Variants in IKBKE observed in about 807,000 individuals in gnomAD.
IKBKE encodes the protein inhibitor of nuclear factor kappa B kinase subunit epsilon.
In IKBKE, 45 loss-of-function variants were observed where a neutral mutation model predicts 92.1. The ratio of observed to expected loss-of-function variants is 0.49; its 90% CI spans 0.38 to 0.63. The LOEUF is 0.63. IKBKE is among the 20% of genes least tolerant of loss of function. The pLI is 0.00. For missense variants in IKBKE, 700 were observed against 932.8 expected, an observed-to-expected ratio of 0.75 and a Z score of 3.25; for synonymous variants, 374 against 380.3, an observed-to-expected ratio of 0.98 and a Z score of 0.19.
rs1665078023 is a variant in IKBKE, at chr1:206,476,638, C to A, written c.541-40C>A. 6.2e-7 allele frequency: 1 copy of A among 1,612,036 alleles called. No individual in the cohort carries two copies. Among genetic ancestry groups the A allele is most frequent in the Admixed American group, 1.7e-5 (1 of 59,882 alleles). On this transcript the variant is annotated intron_variant, in intron 6 of 21. Transcript: ENST00000581977. This position sits in a 1 kb window ranked among gnomAD's most constrained non-coding sequence, Gnocchi z 5.1. Reference sequence around the variant, plus strand: ...CTGACAGGTCTCAGGCCCTTGCCAGCCCTCCGGCTCCATGGCCTCATTCTG... The same window carrying A: ...CTGACAGGTCTCAGGCCCTTGCCAGACCTCCGGCTCCATGGCCTCATTCTG...
intron 16 of IKBKE, among the ~76,000 whole-genome samples, chr1:206,489,351 G>GTATA: frequency 4.1e-5 from 1 of 24,678 alleles, no homozygotes; most frequent in Non-Finnish European, 1.3e-4. Context: ...GTATATGTGT[G>GTATA]TGTGTGTGTG....
Position 206,490,980 on chromosome 1 carries a change from G to C in IKBKE, c.1733+122G>C. ...CTGTCCCGGACTGCAGCTGAGCAGA[G>C]TTGGGGATAACAGGTTATCTGGGGC... On this transcript the variant is annotated intron_variant, in intron 17 of 21. Coordinates refer to ENST00000581977, the MANE Select transcript of IKBKE (RefSeq NM_014002.4). The surrounding 1 kb of genome is among the most constrained non-coding windows in gnomAD (Gnocchi z 5.2). 1.1e-6 allele frequency: 1 copy of C among 921,174 alleles called. No homozygotes were observed. Among genetic ancestry groups the C allele is most frequent in the Non-Finnish European group, 1.8e-6 (1 of 566,542 alleles). The allele number at this position is 921,174 out of a possible 1,614,324, so 57.1% of individuals were successfully genotyped here.
In IKBKE at chr1:206,493,284, C is replaced by T; in HGVS notation, c.1951C>T (p.His651Tyr). 3.1e-6 allele frequency: 5 copies of T among 1,613,790 alleles called. No homozygotes were observed. The highest frequency in any genetic ancestry group is 4.2e-6 in the Non-Finnish European group (5 of 1,179,778). The change falls in exon 20 of 22, where the codon CAC becomes TAC. Residue 651 changes from histidine (H) to tyrosine (Y), a missense_variant. Coordinates refer to ENST00000581977, the MANE Select transcript of IKBKE (RefSeq NM_014002.4). ...CCTGCAGCTCCTGGAAGAGCTATCT[C>T]ACCAGCTCCTTCAGGACCGAGCAAA... ...SLSKLLEELS[H>Y]QLLQDRAKGA...
chr1:206,482,205 A>G (rs1665440540), intron 13 of IKBKE, among the ~76,000 whole-genome samples: 1 of 152,202 alleles, frequency 6.6e-6, no homozygotes, highest in African/African-American at 2.4e-5. Flanking sequence ...TACTGAAGCC[A>G]CAGTCATGAT....
At chr1:206,488,985 G>A (rs1553389498) in intron 16 of IKBKE, among the ~76,000 whole-genome samples, 2 of 151,830 alleles carry the variant, frequency 1.3e-5, no homozygotes, top group Non-Finnish European at 2.9e-5. Flanking sequence ...AATCCCACGT[G>A]TATATATACA....
chr1:206,493,132 G>A lies in IKBKE; in HGVS notation c.1932+13G>A, dbSNP rs1666040319. On this transcript the variant is annotated intron_variant, in intron 19 of 21. Coordinates refer to ENST00000581977, the MANE Select transcript of IKBKE (RefSeq NM_014002.4). ...GAGTCTCAGCAAGGTGGGCATGGCA[G>A]AAGGATTCTAGGTGCTCTGGGGATG... is the stretch of plus-strand genomic sequence containing the variant. 1 of 1,585,988 alleles carries A rather than the reference G, an allele frequency of 6.3e-7. No individual in the cohort carries two copies. Among genetic ancestry groups the A allele is most frequent in the African/African-American group, 1.3e-5 (1 of 74,568 alleles).
chr1:206,482,021 T>C (rs11118057), intron 13 of IKBKE, among the ~76,000 whole-genome samples: 68,820 of 151,526 alleles, frequency 0.45, 17,321 homozygotes, highest in African/African-American at 0.66. Context: ...CCTCGTGATC[T>C]GCCTGCCTCA....
In IKBKE at chr1:206,476,130, C is replaced by A. The variant is rs542021976; in HGVS notation, c.359-51C>A. On this transcript the variant is annotated intron_variant, in intron 5 of 21. Transcript: ENST00000581977. This position sits in a 1 kb window ranked among gnomAD's most constrained non-coding sequence, Gnocchi z 5.1. ...TTCCCACCAAGATGAGCCTCAGACACTAGACTGTCCCCGACCAGAGCCAGC... is the reference window on the plus strand; with the variant it reads ...TTCCCACCAAGATGAGCCTCAGACAATAGACTGTCCCCGACCAGAGCCAGC... The A allele has an allele frequency of 1.1e-5, 18 of 1,585,158 alleles. No homozygotes were observed. Among genetic ancestry groups the A allele is most frequent in the African/African-American group, 2.7e-5 (2 of 74,366 alleles).
Position 206,473,234 on chromosome 1 carries a change from AGCACAGCCAATTACCTGTG to A in IKBKE, c.13_31del (p.Ala5GlnfsTer27), listed in dbSNP as rs1553384264. ...AGCCAGCTCAGGGCAGGAGATGCAGAGCACAGCCAATTACCTGTGGCACACAGATGACCTGCTGGGGCAG... is the reference window on the plus strand; with the variant it reads ...AGCCAGCTCAGGGCAGGAGATGCAGAGCACACAGATGACCTGCTGGGGCAG... On this transcript the variant is annotated frameshift_variant, in exon 3 of 22. Transcript: ENST00000581977. LOFTEE classifies it high-confidence loss of function. 1 of 1,612,200 alleles carries A rather than the reference AGCACAGCCAATTACCTGTG, an allele frequency of 6.2e-7. No homozygotes were observed. The highest frequency in any genetic ancestry group is 1.3e-5 in the African/African-American group (1 of 74,928).
chr1:206,493,879 C>G, intron 20 of IKBKE, 41 bp from the exon 21 acceptor site: 1 of 1,586,322 alleles, frequency 6.3e-7, no homozygotes, highest in Non-Finnish European at 8.6e-7. Context: ...GGCAGGGCAA[C>G]TTCCAGCCTC....
At chr1:206,483,101 G>A (rs571171687) in intron 13 of IKBKE, among the ~76,000 whole-genome samples, 13 of 152,316 alleles carry the variant, frequency 8.5e-5, no homozygotes, top group African/African-American at 2.9e-4. Context: ...ACGGGCTTTG[G>A]GAATCCTAGG....
Position 206,478,455 on chromosome 1 carries a change from C to T in IKBKE, c.992+116C>T. ...GAGGAGTGTGTACATAGGAACGCTTCCAGGTCCAAACGTAGTTGGGAAAAG... is the reference window on the plus strand; with the variant it reads ...GAGGAGTGTGTACATAGGAACGCTTTCAGGTCCAAACGTAGTTGGGAAAAG... On this transcript the variant is annotated intron_variant, in intron 9 of 21. Transcript: ENST00000581977. The surrounding 1 kb of genome is among the most constrained non-coding windows in gnomAD (Gnocchi z 4.8). 1 of 1,060,626 alleles carries T rather than the reference C, an allele frequency of 9.4e-7. No individual in the cohort carries two copies. Among genetic ancestry groups the T allele is most frequent in the South Asian group, 1.4e-5 (1 of 70,364 alleles). 65.7% of individuals were successfully genotyped at this position (1,060,626 alleles called of 1,614,324 possible).
chr1:206,483,936 T>C (rs1264067054), intron 13 of IKBKE, among the ~76,000 whole-genome samples: 3 of 152,136 alleles, frequency 2.0e-5, no homozygotes, highest in Non-Finnish European at 2.9e-5. Flanking sequence ...TTAAAAATTT[T>C]TTTTTAGTAT....
At chr1:206,475,737 C>CAA (rs535787711) in intron 5 of IKBKE, among the ~76,000 whole-genome samples, 27 of 92,700 alleles carry the variant, frequency 2.9e-4, no homozygotes, top group African/African-American at 4.4e-4. Context: ...ACTCTGTCTC[C>CAA]AAAAAAAAAA....
Position 206,477,878 on chromosome 1 carries a change from G to A in IKBKE, c.812+19G>A, listed in dbSNP as rs1309317983. 2.0e-6 allele frequency: 3 copies of A among 1,473,542 alleles called. No homozygotes were observed. Among genetic ancestry groups the A allele is most frequent in the Non-Finnish European group, 2.8e-6 (3 of 1,077,304 alleles). 91.3% of individuals were successfully genotyped at this position (1,473,542 alleles called of 1,614,324 possible). A position where few individuals can be genotyped will look rare whatever the true frequency, so the allele number is the denominator to read the frequency against. On this transcript the variant is annotated intron_variant, in intron 8 of 21. Coordinates refer to ENST00000581977, the MANE Select transcript of IKBKE (RefSeq NM_014002.4). ...TGTCACTGTGAGTGGGACCCTGCTG[G>A]GGGGTGATGCTGGAGTCTGAGCTGG...
chr1:206,493,871 C>T (rs782633288), intron 20 of IKBKE, 49 bp from the exon 21 acceptor site: 2 of 1,520,810 alleles, frequency 1.3e-6, no homozygotes, highest in East Asian at 2.3e-5. Flanking sequence ...AGGGTCTGGG[C>T]AGGGCAACTT....
At position 206,475,848 on chromosome 1, in the gene IKBKE, T is replaced by A. The variant is rs188429613; in HGVS notation, c.359-333T>A. Among the ~76,000 whole-genome samples, 32 of 152,112 alleles carry A rather than the reference T, an allele frequency of 2.1e-4. No individual in the cohort carries two copies. In the East Asian group the frequency reaches 6.0e-3, roughly 28 times the overall value. ...CAATGAAGTGTACACTTAAAATTGG[T>A]TAAAATGGGAAATTTCGTTATGCAT... is the stretch of plus-strand genomic sequence containing the variant. On this transcript the variant is annotated intron_variant, in intron 5 of 21. Coordinates refer to ENST00000581977, the MANE Select transcript of IKBKE (RefSeq NM_014002.4).
At chr1:206,493,844 G>T in intron 20 of IKBKE, 76 bp from the exon 21 acceptor site, 1 of 1,113,780 alleles carries the variant, frequency 9.0e-7, no homozygotes, top group East Asian at 2.4e-5. Context: ...GCAGAGGAGG[G>T]TGGGCCTCCC....
Position 206,487,999 on chromosome 1 carries a change from G to A in IKBKE, c.1693+9G>A, listed in dbSNP as rs782415491. 64 of 1,600,456 alleles carry A rather than the reference G, an allele frequency of 4.0e-5. 1 individual carries two copies. The highest frequency in any genetic ancestry group is 3.3e-5 in the Non-Finnish European group (39 of 1,168,590). On this transcript the variant is annotated intron_variant, in intron 16 of 21. Coordinates refer to ENST00000581977, the MANE Select transcript of IKBKE (RefSeq NM_014002.4). This position sits in a 1 kb window ranked among gnomAD's most constrained non-coding sequence, Gnocchi z 5.3. ...GTCTAGGATGAGGCCAGGTGAGCCC[G>A]GGGAGGGCAGATGCCCCTTCTCTCT...
Sources: allele counts gnomAD v4.1 joint callset (sites outside exome capture counted in the v4.1 genomes callset), GRCh38; gene constraint gnomAD v4.1.1; non-coding constraint Gnocchi (gnomAD v3.1); transcripts MANE v1.5; gene names NCBI Gene and HGNC (gene_info 2026-07-23, HGNC 2026-07-21).